The following SCUBE1 variants were observed in gnomAD, a reference collection of about 807,000 sequenced individuals.
SCUBE1 encodes signal peptide, CUB and EGF-like domain-containing protein 1.
In SCUBE1, 59 loss-of-function variants were observed where a neutral mutation model predicts 124.4. The observed-to-expected ratio is 0.47, with a 90% CI of 0.38 to 0.59. The LOEUF is 0.59. SCUBE1 is among the 20% of genes least tolerant of loss of function. The probability of loss-of-function intolerance (pLI) is 0.00; values close to 1 mark genes in which losing one functional copy is unlikely to be tolerated. For synonymous variants in SCUBE1, 545 were observed against 550.9 expected (o/e 0.99, Z 0.15); for missense variants, 1,150 against 1,371.2 (o/e 0.84, Z 2.55).
At chr22:43,311,690 G>A (rs1031295066) in intron 3 of SCUBE1, among the ~76,000 whole-genome samples, 2 of 151,948 alleles carry the variant, frequency 1.3e-5, no homozygotes, top group Non-Finnish European at 2.9e-5. Context: ...GTCTCTCAAA[G>A]TGCTGGGATT....
rs987988423 is a variant in SCUBE1 at position 43,210,663 on chromosome 22, G to T, written c.2383+259C>A. On this transcript the variant is annotated intron_variant, in intron 18 of 21. Coordinates refer to ENST00000360835, the MANE Select transcript of SCUBE1 (RefSeq NM_173050.5). This position sits in a 1 kb window ranked among gnomAD's most constrained non-coding sequence, Gnocchi z 4.5. The stretch of plus-strand genomic sequence containing the variant: ...AGGGCCTGGCCCAGGGCAGAGGCTT[G>T]GGCTGTGTTGGGTGAGCAGTGGGAA... 6.6e-6 allele frequency among the ~76,000 whole-genome samples: 1 copy of T among 152,210 alleles called. No individual in the cohort carries two copies. The highest frequency in any genetic ancestry group is 2.4e-5 in the African/African-American group (1 of 41,460).
At chr22:43,319,884 C>G in intron 3 of SCUBE1, 53 bp downstream of exon 3, 1 of 1,597,488 alleles carries the variant, frequency 6.3e-7, no homozygotes, top group African/African-American at 1.3e-5. Context: ...TAAGCTGGAG[C>G]AAAGCAACAG....
intron 8 of SCUBE1, among the ~76,000 whole-genome samples, 198 bp downstream of exon 8, chr22:43,231,555 C>T (rs1384584671): frequency 1.3e-5 from 2 of 152,140 alleles, no homozygotes; most frequent in Non-Finnish European, 1.5e-5. Context: ...GTGCTGAAGC[C>T]CTCTCGAGCC....
rs1357556869 is a variant in SCUBE1 at position 43,207,542 on chromosome 22, T to C, written c.2806A>G (p.Ile936Val). 1 of 1,613,318 alleles carries C rather than the reference T, an allele frequency of 6.2e-7. No individual in the cohort carries two copies. The highest frequency in any genetic ancestry group is 8.5e-7 in the Non-Finnish European group (1 of 1,179,412). ...RLYASENHQEILKDKKLIKAL... is the reference protein window; with the variant it reads ...RLYASENHQEVLKDKKLIKAL... ...CCAATAAACTCACTCACTTTCAAAA[T>C]TTCCTGGTGGTTCTCCGAGGCGTAC... Residue 936 changes from isoleucine (I) to valine (V), a missense_variant, in exon 21 of 22, where the codon ATT becomes GTT. Around this residue, in one of 3 missense-constraint regions of SCUBE1, gnomAD observed 757 missense variants for 840.9 expected, o/e 0.90. Coordinates refer to ENST00000360835, the MANE Select transcript of SCUBE1 (RefSeq NM_173050.5).
At chr22:43,291,530 G>A (rs1444015170) in intron 3 of SCUBE1, among the ~76,000 whole-genome samples, 1 of 151,942 alleles carries the variant, frequency 6.6e-6, no homozygotes, top group African/African-American at 2.4e-5. Context: ...GGTACAGTGG[G>A]CCCCCATCAG....
In SCUBE1 at chr22:43,211,032, C is replaced by T. The variant is rs141428389; in HGVS notation, c.2273G>A (p.Arg758His). 42 of 1,613,850 alleles carry T rather than the reference C, an allele frequency of 2.6e-5. No individual in the cohort carries two copies. The highest frequency in any genetic ancestry group is 3.5e-5 in the Non-Finnish European group (41 of 1,179,994). Residue 758 changes from arginine (R) to histidine (H), a missense_variant, in exon 18 of 22, where the codon CGC (arginine) becomes CAC (histidine). Physicochemically the swap from Arg to His is conservative, Grantham distance 29. This residue lies in a region of SCUBE1 where 757 missense variants were observed against 840.9 expected (regional missense o/e 0.90). Transcript: ENST00000360835. The surrounding 1 kb of genome is among the most constrained non-coding windows in gnomAD (Gnocchi z 4.5). ...GGGCTGGTAGGTGCCGACGGGGCAG[C>T]GGATGCAGCGGTGGGTGGTGGTGTT... ...HYNTTTHRCI[R>H]CPVGTYQPEF...
Position 43,292,784 on chromosome 22 carries a change from A to G in SCUBE1, c.350-1604T>C, listed in dbSNP as rs1925414812. Among the ~76,000 whole-genome samples, 4 of 152,076 alleles carry G rather than the reference A, an allele frequency of 2.6e-5. No homozygotes were observed. The South Asian group carries it at 8.3e-4, about 32-fold the overall frequency. On this transcript the variant is annotated intron_variant, in intron 3 of 21. Transcript: ENST00000360835. ...GACAGACCACTTTACCACCTAAGAC[A>G]CCACACGGCTGCCTTTGAGGCCGAC...
At chr22:43,293,455 G>A (rs1476377255) in intron 3 of SCUBE1, among the ~76,000 whole-genome samples, 1 of 152,244 alleles carries the variant, frequency 6.6e-6, no homozygotes, top group Non-Finnish European at 1.5e-5. Flanking sequence ...AGCTGGCTGC[G>A]TCAGCGCATG....
rs1921511451 is a variant in SCUBE1, at chr22:43,210,744, C to A, written c.2383+178G>T. 6.6e-6 allele frequency among the ~76,000 whole-genome samples: 1 copy of A among 152,204 alleles called. No individual in the cohort carries two copies. The highest frequency in any genetic ancestry group is 2.4e-5 in the African/African-American group (1 of 41,440). ...CGTAGAGTGGGCCAAGCCAGGGCTG[C>A]CCCTTTGGTGCCACAGGCCTCCAGA... is the stretch of plus-strand genomic sequence containing the variant. On this transcript the variant is annotated intron_variant, in intron 18 of 21. Transcript: ENST00000360835. The surrounding 1 kb of genome is among the most constrained non-coding windows in gnomAD (Gnocchi z 4.5).
chr22:43,262,698 C>T (rs746334424), intron 5 of SCUBE1, 22 bp downstream of exon 5: 3 of 1,612,070 alleles, frequency 1.9e-6, no homozygotes, highest in Non-Finnish European at 2.5e-6. Context: ...GACGTTTGAC[C>T]CATTTGTCTC....
intron 6 of SCUBE1, among the ~76,000 whole-genome samples, chr22:43,247,325 G>C (rs889392359): frequency 6.6e-6 from 1 of 152,150 alleles, no homozygotes; most frequent in Non-Finnish European, 1.5e-5. Flanking sequence ...CTGGCCCTGG[G>C]GTGCTGGTGG....
chr22:43,306,393 G>A (rs1162395599), intron 3 of SCUBE1, among the ~76,000 whole-genome samples: 1 of 152,138 alleles, frequency 6.6e-6, no homozygotes, highest in Non-Finnish European at 1.5e-5. Context: ...TGCAGCGAGT[G>A]TTTTCTTTGC....
intron 3 of SCUBE1, among the ~76,000 whole-genome samples, chr22:43,299,408 C>T (rs1047378210): frequency 3.9e-5 from 6 of 152,232 alleles, no homozygotes; most frequent in Non-Finnish European, 7.3e-5. Context: ...GCCTTCTGGT[C>T]TCCAAGTGAA....
At chr22:43,305,720 C>G (rs1462403177) in intron 3 of SCUBE1, among the ~76,000 whole-genome samples, 1 of 152,064 alleles carries the variant, frequency 6.6e-6, no homozygotes, top group East Asian at 1.9e-4. Flanking sequence ...ACGGGTGGGT[C>G]CCAAATGACT....
chr22:43,228,556 G>A (rs974625576), intron 9 of SCUBE1, among the ~76,000 whole-genome samples: 10 of 152,132 alleles, frequency 6.6e-5, no homozygotes, highest in African/African-American at 1.7e-4. Flanking sequence ...CCCCCTATCC[G>A]CATCTTCCTC....
intron 7 of SCUBE1, chr22:43,237,938 C>T (rs999888526): frequency 6.6e-6 from 1 of 152,414 alleles, no homozygotes; most frequent in Non-Finnish European, 1.5e-5. Flanking sequence ...CCTCACCCTT[C>T]TGCACAGAGG....
At chr22:43,308,359 G>A (rs1248135436) in intron 3 of SCUBE1, among the ~76,000 whole-genome samples, 1 of 152,202 alleles carries the variant, frequency 6.6e-6, no homozygotes, top group East Asian at 1.9e-4. Context: ...TGGGCATAAC[G>A]AAAGAGACCA....
At chr22:43,277,503 A>G (rs73422078) in intron 4 of SCUBE1, among the ~76,000 whole-genome samples, 5,822 of 152,310 alleles carry the variant, frequency 0.038, 361 homozygotes, top group African/African-American at 0.13. Flanking sequence ...TCTGGGCTGC[A>G]CAGCACCCCT....
At chr22:43,289,267 C>G (rs553809072) in intron 4 of SCUBE1, among the ~76,000 whole-genome samples, 3 of 152,358 alleles carry the variant, frequency 2.0e-5, no homozygotes, top group Admixed American at 2.0e-4. Context: ...TCTTATACAA[C>G]CTGTTGGGCT....
Sources: allele counts gnomAD v4.1 joint callset (sites outside exome capture counted in the v4.1 genomes callset), GRCh38; gene constraint gnomAD v4.1.1; regional missense constraint gnomAD v4.1.1; non-coding constraint Gnocchi (gnomAD v3.1); transcripts MANE v1.5; gene names NCBI Gene and HGNC (gene_info 2026-07-23, HGNC 2026-07-21).